The following ZNF385D variants were observed in gnomAD, a reference collection of about 807,000 sequenced individuals.
ZNF385D encodes the protein zinc finger protein 659.
In ZNF385D, 15 loss-of-function variants were observed where a neutral mutation model predicts 35.8. The ratio of observed to expected loss-of-function variants is 0.42; its 90% CI spans 0.28 to 0.64. The LOEUF (loss-of-function observed/expected upper bound fraction) is 0.64. Among genes scored for constraint, ZNF385D ranks in the 30% least tolerant of loss-of-function variants. The probability of loss-of-function intolerance (pLI) is 0.23; values close to 1 mark genes in which losing one functional copy is unlikely to be tolerated. For missense variants in ZNF385D, 474 were observed against 494.6 expected (o/e 0.96, Z 0.39); for synonymous variants, 212 against 186.8 (o/e 1.13, Z -1.10).
intron 3 of ZNF385D, among the ~76,000 whole-genome samples, chr3:21,975,151 T>G (rs1362668105): frequency 1.3e-5 from 2 of 152,142 alleles, no homozygotes; most frequent in Non-Finnish European, 2.9e-5. Context: ...CTGCCAAGAT[T>G]TGGAAGCAAC....
intron 1 of ZNF385D, 86 bp downstream of exon 1, chr3:21,750,809 G>C: frequency 1.9e-6 from 3 of 1,554,096 alleles, no homozygotes; most frequent in Admixed American, 1.7e-5. Flanking sequence ...ACATATTCTT[G>C]CTGCTTAAAG....
chr3:21,821,287 T>C (rs1180308473), intron 3 of ZNF385D, among the ~76,000 whole-genome samples: 1 of 151,998 alleles, frequency 6.6e-6, no homozygotes, highest in African/African-American at 2.4e-5. Flanking sequence ...AGTTAAGAAA[T>C]GTAAATAGTC....
chr3:21,850,674 G>A (rs1559689374), intron 3 of ZNF385D, among the ~76,000 whole-genome samples: 1 of 152,094 alleles, frequency 6.6e-6, no homozygotes. Context: ...GAACTCACAC[G>A]TGGTTGAGAG....
At chr3:21,647,460 A>G (rs1407833359) in intron 2 of ZNF385D, among the ~76,000 whole-genome samples, 1 of 138,590 alleles carries the variant, frequency 7.2e-6, no homozygotes, top group Non-Finnish European at 1.5e-5. Flanking sequence ...CTTCTTTCTC[A>G]CTCTCCCTGT....
chr3:22,098,974 G>A (rs1022508297), intron 3 of ZNF385D, among the ~76,000 whole-genome samples: 1 of 151,864 alleles, frequency 6.6e-6, no homozygotes, highest in Non-Finnish European at 1.5e-5. Flanking sequence ...CTATACTAAG[G>A]ACATAATTAG....
intron 3 of ZNF385D, among the ~76,000 whole-genome samples, chr3:22,008,360 CT>C (rs67145956): frequency 1.1e-4 from 14 of 131,922 alleles, no homozygotes; most frequent in Admixed American, 1.5e-4. Context: ...CCATGATTTT[CT>C]TTTTTTTTTT....
chr3:21,947,346 G>T (rs865784278), intron 3 of ZNF385D, among the ~76,000 whole-genome samples: 80 of 150,814 alleles, frequency 5.3e-4, no homozygotes, highest in African/African-American at 8.8e-4. Context: ...TATTTTACTA[G>T]TTATTTATTT....
At chr3:21,658,975 T>TA (rs1320533269) in intron 2 of ZNF385D, among the ~76,000 whole-genome samples, 1 of 152,070 alleles carries the variant, frequency 6.6e-6, no homozygotes, top group Admixed American at 6.6e-5. Flanking sequence ...AGAGAATGTT[T>TA]AAAGGAGTAC....
At chr3:22,070,926 T>C (rs1465607246) in intron 3 of ZNF385D, among the ~76,000 whole-genome samples, 5 of 152,164 alleles carry the variant, frequency 3.3e-5, no homozygotes, top group African/African-American at 9.6e-5. Context: ...TAAGAAATAG[T>C]CTTATTAACA....
chr3:21,614,573 C>T (rs1246948015), intron 2 of ZNF385D, among the ~76,000 whole-genome samples: 1 of 152,034 alleles, frequency 6.6e-6, no homozygotes, highest in African/African-American at 2.4e-5. Flanking sequence ...TTCCAGCCAG[C>T]CCTGAAGTAC....
chr3:22,359,413 C>T (rs1162466145), intron 2 of ZNF385D, among the ~76,000 whole-genome samples: 3 of 151,708 alleles, frequency 2.0e-5, no homozygotes, highest in Non-Finnish European at 2.9e-5. Context: ...AAGTCTTCCT[C>T]GAATATTTTC....
chr3:21,955,902 T>C (rs774606754), intron 3 of ZNF385D, among the ~76,000 whole-genome samples: 1 of 152,124 alleles, frequency 6.6e-6, no homozygotes, highest in Admixed American at 6.6e-5. Context: ...CCTGAGTTTA[T>C]TGGCCAGGCA....
chr3:22,209,326 T>C (rs1697365585), intron 2 of ZNF385D, among the ~76,000 whole-genome samples: 1 of 151,382 alleles, frequency 6.6e-6, no homozygotes, highest in South Asian at 2.1e-4. Flanking sequence ...AAAATAAACT[T>C]AATAGTGGAA....
intron 3 of ZNF385D, among the ~76,000 whole-genome samples, chr3:21,547,798 G>T (rs1018721673): frequency 4.6e-5 from 7 of 151,950 alleles, no homozygotes; most frequent in African/African-American, 9.7e-5. Context: ...TGTATTTTTA[G>T]TAGAAACGGG....
intron 3 of ZNF385D, among the ~76,000 whole-genome samples, chr3:21,872,951 G>A (rs1389707705): frequency 6.6e-6 from 1 of 152,074 alleles, no homozygotes; most frequent in East Asian, 1.9e-4. Flanking sequence ...ATCCAAGACA[G>A]GATGACACAA....
chr3:22,333,286 T>C (rs1327746068), intron 2 of ZNF385D, among the ~76,000 whole-genome samples: 2 of 152,188 alleles, frequency 1.3e-5, no homozygotes, highest in Non-Finnish European at 2.9e-5. Context: ...TTTTGTTTAG[T>C]CTTTATCCAG....
At chr3:22,328,193 A>G in intron 2 of ZNF385D, among the ~76,000 whole-genome samples, 1 of 151,120 alleles carries the variant, frequency 6.6e-6, no homozygotes. Context: ...ATGCTTATCC[A>G]TTTCCTCTCT....
intron 3 of ZNF385D, among the ~76,000 whole-genome samples, chr3:22,014,399 T>C (rs1696756657): frequency 6.6e-6 from 1 of 151,880 alleles, no homozygotes; most frequent in South Asian, 2.1e-4. Flanking sequence ...AAGATAACAA[T>C]CCTACAAGAT....
chr3:22,296,305 G>T (rs1026872472), intron 2 of ZNF385D, among the ~76,000 whole-genome samples: 5 of 152,120 alleles, frequency 3.3e-5, no homozygotes. Flanking sequence ...GCATTAGCGG[G>T]GATGGTTTGA....
Sources: gnomAD v4.1 joint callset for allele counts (sites outside exome capture counted in the v4.1 genomes callset) on GRCh38, gnomAD v4.1.1 for gene constraint, MANE v1.5 for transcripts, NCBI Gene and HGNC (gene_info 2026-07-23, HGNC 2026-07-21) for gene names.